Variants in DSCAML1 observed in about 807,000 individuals in gnomAD.
DSCAML1 encodes the protein DS cell adhesion molecule like 1.
Under a neutral mutation model 200.5 loss-of-function variants are expected in DSCAML1, and 38 were observed. The observed-to-expected ratio is 0.19, with a 90% CI of 0.15 to 0.25. The LOEUF is 0.25. Ranked by LOEUF, DSCAML1 falls within the 10% of genes least tolerant of loss-of-function variation. The pLI, the probability that DSCAML1 is intolerant of heterozygous loss-of-function variation, is 1.00. For missense variants in DSCAML1, 2,223 were observed against 2,858.8 expected, an observed-to-expected ratio of 0.78 and a Z score of 5.07; for synonymous variants, 1,215 against 1,165.0, an observed-to-expected ratio of 1.04 and a Z score of -0.87.
intron 3 of DSCAML1, among the ~76,000 whole-genome samples, chr11:117,674,209 G>C (rs1299073133): frequency 6.6e-6 from 1 of 152,190 alleles, no homozygotes; most frequent in African/African-American, 2.4e-5. Flanking sequence ...CATGACCTGA[G>C]CCCTGGTGTG....
At chr11:117,795,411 G>A (rs1401613425) in intron 1 of DSCAML1, among the ~76,000 whole-genome samples, 5 of 152,166 alleles carry the variant, frequency 3.3e-5, no homozygotes, top group Admixed American at 2.0e-4. Flanking sequence ...GCCTGCGGGG[G>A]CGGAGGGAGG....
intron 3 of DSCAML1, among the ~76,000 whole-genome samples, chr11:117,562,463 G>A (rs1190849035): frequency 1.3e-5 from 2 of 152,214 alleles, no homozygotes; most frequent in Admixed American, 1.3e-4. Context: ...CACAGCATGT[G>A]ACATGTGACT....
chr11:117,497,272 A>C (rs1359258652), intron 11 of DSCAML1, among the ~76,000 whole-genome samples: 1 of 152,194 alleles, frequency 6.6e-6, no homozygotes, highest in African/African-American at 2.4e-5. Flanking sequence ...GCACTGGGAC[A>C]TGAACAAGGA....
At chr11:117,444,547 G>A (rs992149266) in intron 20 of DSCAML1, among the ~76,000 whole-genome samples, 1 of 152,198 alleles carries the variant, frequency 6.6e-6, no homozygotes, top group African/African-American at 2.4e-5. Flanking sequence ...ACGCCCGCCC[G>A]TCCAGGGAGG....
chr11:117,444,727 G>GT (rs1355903885), intron 20 of DSCAML1, among the ~76,000 whole-genome samples: 1 of 152,198 alleles, frequency 6.6e-6, no homozygotes, highest in East Asian at 1.9e-4. Flanking sequence ...GATCCCAGTG[G>GT]TTTTACCAGT....
intron 3 of DSCAML1, among the ~76,000 whole-genome samples, chr11:117,596,242 C>T (rs1016789921): frequency 3.9e-5 from 6 of 152,138 alleles, no homozygotes; most frequent in African/African-American, 1.4e-4. Flanking sequence ...TCGCAAGGCA[C>T]TGGATGGTGG....
At chr11:117,661,940 T>C (rs1419877925) in intron 3 of DSCAML1, among the ~76,000 whole-genome samples, 1 of 152,216 alleles carries the variant, frequency 6.6e-6, no homozygotes, top group East Asian at 1.9e-4. Context: ...AAACAGTTCC[T>C]TGAAGGCCAG....
At chr11:117,644,211 G>C (rs187140932) in intron 3 of DSCAML1, among the ~76,000 whole-genome samples, 1 of 152,176 alleles carries the variant, frequency 6.6e-6, no homozygotes, top group Non-Finnish European at 1.5e-5. Flanking sequence ...ACCAAGTCTC[G>C]AAAGGCTCCA....
At chr11:117,560,003 G>A (rs2050631408) in intron 3 of DSCAML1, among the ~76,000 whole-genome samples, 1 of 152,072 alleles carries the variant, frequency 6.6e-6, no homozygotes, top group Non-Finnish European at 1.5e-5. Flanking sequence ...AGAGCTCCTT[G>A]GGTGAGTTCC....
chr11:117,644,939 A>G (rs1380841525), intron 3 of DSCAML1, among the ~76,000 whole-genome samples: 2 of 152,080 alleles, frequency 1.3e-5, no homozygotes, highest in Non-Finnish European at 2.9e-5. Flanking sequence ...GAAAAAGCAC[A>G]CTCACGCTCT....
At chr11:117,617,830 C>T (rs2051842664) in intron 3 of DSCAML1, among the ~76,000 whole-genome samples, 2 of 152,132 alleles carry the variant, frequency 1.3e-5, no homozygotes, top group Non-Finnish European at 2.9e-5. Context: ...CACTTCACTA[C>T]ACTCTGTGCC....
intron 20 of DSCAML1, 63 bp downstream of exon 20, chr11:117,450,486 G>A: frequency 6.4e-7 from 1 of 1,569,380 alleles, no homozygotes; most frequent in Non-Finnish European, 8.6e-7. Flanking sequence ...GAAGCCGGCT[G>A]ATGTACAAGG....
At chr11:117,528,330 G>T (rs1212629523) in intron 4 of DSCAML1, among the ~76,000 whole-genome samples, 1 of 152,126 alleles carries the variant, frequency 6.6e-6, no homozygotes, top group Non-Finnish European at 1.5e-5. Context: ...GCGGAGGGAG[G>T]GAATTAATCA....
At position 117,470,342 on chromosome 11, in the gene DSCAML1, A is replaced by G. The variant is rs547437124; in HGVS notation, c.2954-362T>C. Among the ~76,000 whole-genome samples the G allele has an allele frequency of 5.1e-4, 77 of 152,172 alleles. 1 individual carries two copies. The highest frequency in any genetic ancestry group is 3.4e-3 in the Middle Eastern group (1 of 294). ...TGTAATCCCAGCACTTTGGGAGGCCAAGGCGGGCGGATCACGAGGTCAGGA... is the reference window on the plus strand; with the variant it reads ...TGTAATCCCAGCACTTTGGGAGGCCGAGGCGGGCGGATCACGAGGTCAGGA... On this transcript the variant is annotated intron_variant, in intron 15 of 32. Coordinates refer to ENST00000651296, the MANE Select transcript of DSCAML1 (RefSeq NM_020693.4).
rs2048008160 is a variant in DSCAML1 at position 117,439,899 on chromosome 11, T to G, written c.3900A>C (p.Thr1300=). The change falls in exon 22 of 33, where the codon ACA becomes ACC. Residue 1300 remains threonine, a synonymous_variant. Transcript: ENST00000651296. ...GCCGAACATCTTTCATCCAAGGTGT[T>G]GTCACGGTGCCCCCAAAGGAGATGA... ...AKIISFGGTV[T]TPWMKDVRLP... is the part of the protein sequence containing the mutation. 1.2e-6 allele frequency: 2 copies of G among 1,613,984 alleles called. No individual in the cohort carries two copies. Among genetic ancestry groups the G allele is most frequent in the Non-Finnish European group, 1.7e-6 (2 of 1,180,012 alleles).
intron 3 of DSCAML1, among the ~76,000 whole-genome samples, chr11:117,621,653 G>A (rs1469004276): frequency 6.6e-6 from 1 of 152,038 alleles, no homozygotes; most frequent in African/African-American, 2.4e-5. Flanking sequence ...TATTTTTTTG[G>A]GGAAAAGAAC....
chr11:117,629,857 G>A lies in DSCAML1; in HGVS notation c.512-97335C>T, dbSNP rs113230302. Among the ~76,000 whole-genome samples the A allele has an allele frequency of 7.2e-4, 110 of 152,234 alleles. 3 individuals carry two copies. Among genetic ancestry groups the A allele is most frequent in the African/African-American group, 2.4e-3 (101 of 41,530 alleles). On this transcript the variant is annotated intron_variant, in intron 3 of 32. Coordinates refer to ENST00000651296, the MANE Select transcript of DSCAML1 (RefSeq NM_020693.4). ...ACAAAAAATAAAAATAAAATTAGCC[G>A]GGCATGGTGGCATATGCCTGTAGCC... is the stretch of plus-strand genomic sequence containing the variant.
chr11:117,627,489 C>T (rs565626508), intron 3 of DSCAML1, among the ~76,000 whole-genome samples: 4 of 152,108 alleles, frequency 2.6e-5, no homozygotes, highest in Non-Finnish European at 5.9e-5. Context: ...TCGCACTGCT[C>T]GCAGCCCCAC....
rs1334486852 is a variant in DSCAML1, at chr11:117,648,065, C to T, written c.512-115543G>A. Among the ~76,000 whole-genome samples, 3 of 152,208 alleles carry T rather than the reference C, an allele frequency of 2.0e-5. No individual in the cohort carries two copies. The East Asian group carries it at 5.8e-4, about 29-fold the overall frequency. On this transcript the variant is annotated intron_variant, in intron 3 of 32. Coordinates refer to ENST00000651296, the MANE Select transcript of DSCAML1 (RefSeq NM_020693.4). ...AGTCAGCCCTGCATGGGGGCTCTGC[C>T]CAGCCACACCCACAAGTGACCAGCA...
Sources: gnomAD v4.1 joint callset for allele counts (sites outside exome capture counted in the v4.1 genomes callset) on GRCh38, gnomAD v4.1.1 for gene constraint, MANE v1.5 for transcripts, NCBI Gene and HGNC (gene_info 2026-07-23, HGNC 2026-07-21) for gene names.